PIAS1: variants seen among roughly 807,000 people sequenced by gnomAD.
PIAS1 encodes the protein protein inhibitor of activated STAT 1.
Under a neutral mutation model 71.3 loss-of-function variants are expected in PIAS1, and 6 were observed. The observed-to-expected ratio is 0.08, with a 90% CI of 0.05 to 0.17. The LOEUF (loss-of-function observed/expected upper bound fraction) is 0.17. Among genes scored for constraint, PIAS1 ranks in the 10% least tolerant of loss-of-function variants. The pLI is 1.00. For synonymous variants in PIAS1, 303 were observed against 292.9 expected (o/e 1.03, Z -0.35); for missense variants, 555 against 793.6 (o/e 0.70, Z 3.61).
At position 68,149,890 on chromosome 15, in the gene PIAS1, C is replaced by T. The variant is rs2092833633; in HGVS notation, c.828+3190C>T. Among the ~76,000 whole-genome samples, 3 of 152,166 alleles carry T rather than the reference C, an allele frequency of 2.0e-5. No homozygotes were observed. The South Asian group carries it at 6.2e-4, about 32-fold the overall frequency. On this transcript the variant is annotated intron_variant, in intron 6 of 13. Coordinates refer to ENST00000249636, the MANE Select transcript of PIAS1 (RefSeq NM_016166.3). ...GTTAAACAATGCAGGCACTAGTGGA[C>T]ATATTTGACTTGCTCCTTATGTTAA...
At chr15:68,111,372 A>G (rs146335929) in intron 2 of PIAS1, among the ~76,000 whole-genome samples, 419 of 152,344 alleles carry the variant, frequency 2.8e-3, no homozygotes, top group African/African-American at 9.4e-3. Context: ...GAATTCTGAA[A>G]AGAGAGTATC....
At chr15:68,130,918 G>C (rs2092684415) in intron 2 of PIAS1, among the ~76,000 whole-genome samples, 2 of 151,984 alleles carry the variant, frequency 1.3e-5, no homozygotes, top group Non-Finnish European at 2.9e-5. Context: ...GCTTACTTTG[G>C]GTTAGGTAGG....
Position 68,178,089 on chromosome 15 carries a change from C to T in PIAS1, c.1481+1435C>T, listed in dbSNP as rs2093031214. On this transcript the variant is annotated intron_variant, in intron 11 of 13. Coordinates refer to ENST00000249636, the MANE Select transcript of PIAS1 (RefSeq NM_016166.3). The surrounding 1 kb of genome is among the most constrained non-coding windows in gnomAD (Gnocchi z 4.2). ...TCTATCAGTTTGAGACCAGCCTGGG[C>T]AACATGGTAAAACCCTGTCTCTACC... 1.3e-5 allele frequency among the ~76,000 whole-genome samples: 2 copies of T among 152,118 alleles called. No individual in the cohort carries two copies. Among genetic ancestry groups the T allele is most frequent in the Admixed American group, 1.3e-4 (2 of 15,268 alleles).
At chr15:68,092,622 G>A (rs1290832612) in intron 2 of PIAS1, among the ~76,000 whole-genome samples, 1 of 152,156 alleles carries the variant, frequency 6.6e-6, no homozygotes, top group Non-Finnish European at 1.5e-5. Context: ...TAAGAGGTGG[G>A]GCCTTTAGCA....
intron 2 of PIAS1, among the ~76,000 whole-genome samples, chr15:68,115,708 T>C (rs2092559852): frequency 6.6e-6 from 1 of 152,176 alleles, no homozygotes; most frequent in African/African-American, 2.4e-5. Flanking sequence ...TGAAGATGTT[T>C]ACTTCTATTC....
intron 1 of PIAS1, among the ~76,000 whole-genome samples, chr15:68,076,760 T>G (rs1309639236): frequency 2.0e-5 from 3 of 152,102 alleles, no homozygotes; most frequent in Non-Finnish European, 4.4e-5. Flanking sequence ...TGTGTTAAGA[T>G]TATAAAAGGA....
At position 68,173,598 on chromosome 15, in the gene PIAS1, T is replaced by G. The variant is rs979246361; in HGVS notation, c.1009-134T>G. On this transcript the variant is annotated intron_variant, in intron 8 of 13. Coordinates refer to ENST00000249636, the MANE Select transcript of PIAS1 (RefSeq NM_016166.3). This position sits in a 1 kb window ranked among gnomAD's most constrained non-coding sequence, Gnocchi z 4.3. ...TTCACAGGAAATGTGTTTAATGTTC[T>G]TCTACATTGATGAAAAGTCAACACT... 6.2e-6 allele frequency: 3 copies of G among 481,750 alleles called. No homozygotes were observed. 29.8% of individuals were successfully genotyped at this position (481,750 alleles called of 1,614,324 possible).
chr15:68,164,178 A>G (rs995834426), intron 7 of PIAS1, among the ~76,000 whole-genome samples: 1 of 152,178 alleles, frequency 6.6e-6, no homozygotes, highest in Non-Finnish European at 1.5e-5. Context: ...CAAGTATTTT[A>G]TAGAGAAATA....
rs1416154866 is a variant in PIAS1, at chr15:68,142,191, T to C, written c.555-99T>C. The C allele has an allele frequency of 6.0e-5, 64 of 1,067,716 alleles. 1 individual carries two copies. The Admixed American group carries it at 1.3e-3, about 22-fold the overall frequency. The allele number at this position is 1,067,716 out of a possible 1,614,324, so 66.1% of individuals were successfully genotyped here. A position where few individuals can be genotyped will look rare whatever the true frequency, so the allele number is the denominator to read the frequency against. On this transcript the variant is annotated intron_variant, in intron 3 of 13. Transcript: ENST00000249636. ...GTTACTGTAAGAACAGTTATATTTATGATAATTTGAAAAACTTTTCTGGAG... is the reference window on the plus strand; with the variant it reads ...GTTACTGTAAGAACAGTTATATTTACGATAATTTGAAAAACTTTTCTGGAG...
chr15:68,104,988 T>C (rs1198168973), intron 2 of PIAS1, among the ~76,000 whole-genome samples: 1 of 152,220 alleles, frequency 6.6e-6, no homozygotes, highest in Admixed American at 6.5e-5. Context: ...GAGAGGACTA[T>C]AGTGTATAGC....
intron 8 of PIAS1, among the ~76,000 whole-genome samples, chr15:68,169,691 A>G (rs2092979201): frequency 6.6e-6 from 1 of 152,226 alleles, no homozygotes; most frequent in South Asian, 2.1e-4. Context: ...CCAGAGTAAA[A>G]GAATGACTAC....
chr15:68,137,840 C>T (rs1335922475), intron 2 of PIAS1, among the ~76,000 whole-genome samples: 2 of 152,160 alleles, frequency 1.3e-5, no homozygotes, highest in African/African-American at 2.4e-5. Context: ...CCTTAGATCT[C>T]AATGGCTAAC....
intron 7 of PIAS1, among the ~76,000 whole-genome samples, chr15:68,163,621 G>A (rs1317864176): frequency 6.6e-6 from 1 of 152,200 alleles, no homozygotes; most frequent in South Asian, 2.1e-4. Context: ...CTAAAATCCA[G>A]GGGACTGTGT....
intron 1 of PIAS1, among the ~76,000 whole-genome samples, chr15:68,082,466 T>C (rs2092238132): frequency 1.3e-5 from 2 of 152,160 alleles, no homozygotes; most frequent in South Asian, 4.1e-4. Context: ...TTAATACTTT[T>C]AGCTGTTTGC....
chr15:68,145,718 TTTTTAAATTTACCATC>T, intron 4 of PIAS1, 82 bp from the exon 5 acceptor site: 1 of 716,724 alleles, frequency 1.4e-6, no homozygotes, highest in Non-Finnish European at 2.4e-6. Flanking sequence ...CTTTTGGTTG[TTTTTAAATTTACCATC>T]TTTTAAATTT....
At chr15:68,135,684 C>A (rs1243819730) in intron 2 of PIAS1, among the ~76,000 whole-genome samples, 1 of 68,818 alleles carries the variant, frequency 1.5e-5, no homozygotes, top group Non-Finnish European at 4.3e-5. Flanking sequence ...CCCCACCTCC[C>A]TCCCGGACGG....
At chr15:68,068,455 A>G (rs2092054089) in intron 1 of PIAS1, among the ~76,000 whole-genome samples, 1 of 152,026 alleles carries the variant, frequency 6.6e-6, no homozygotes, top group Non-Finnish European at 1.5e-5. Context: ...ACCCGGGGTT[A>G]AGTCTTTTTT....
At chr15:68,061,080 A>C (rs2091953878) in intron 1 of PIAS1, among the ~76,000 whole-genome samples, 1 of 152,272 alleles carries the variant, frequency 6.6e-6, no homozygotes, top group Admixed American at 6.5e-5. Context: ...GCATATGTGA[A>C]TTAAGAATGC....
At chr15:68,121,018 T>C (rs1339375561) in intron 2 of PIAS1, among the ~76,000 whole-genome samples, 1 of 152,218 alleles carries the variant, frequency 6.6e-6, no homozygotes, top group African/African-American at 2.4e-5. Context: ...GATACTTAAA[T>C]AAACAATTCT....
Sources: gnomAD v4.1 joint callset for allele counts (sites outside exome capture counted in the v4.1 genomes callset) on GRCh38, gnomAD v4.1.1 for gene constraint, Gnocchi (gnomAD v3.1) non-coding constraint, MANE v1.5 for transcripts, NCBI Gene and HGNC (gene_info 2026-07-23, HGNC 2026-07-21) for gene names.